DACH1: variants seen among roughly 807,000 people sequenced by gnomAD.
The protein encoded by DACH1 is dachshund homolog 1.
DACH1 carries 12 observed loss-of-function variants against 54.2 expected under a neutral mutation model. The observed-to-expected ratio is 0.22, with a 90% CI of 0.14 to 0.36. DACH1 has a LOEUF of 0.36. Among genes scored for constraint, DACH1 ranks in the 10% least tolerant of loss-of-function variants. The pLI, the probability that DACH1 is intolerant of heterozygous loss-of-function variation, is 1.00. For missense variants in DACH1, 805 were observed against 929.8 expected (o/e 0.87, Z 1.75); for synonymous variants, 386 against 366.2 (o/e 1.05, Z -0.62).
chr13:71,747,444 G>T (rs1884645588), intron 1 of DACH1, among the ~76,000 whole-genome samples: 1 of 152,078 alleles, frequency 6.6e-6, no homozygotes, highest in African/African-American at 2.4e-5. Context: ...AGCTGGGTGA[G>T]GTGGTGCATT....
chr13:71,839,715 C>A (rs1296181180), intron 1 of DACH1, among the ~76,000 whole-genome samples: 1 of 152,126 alleles, frequency 6.6e-6, no homozygotes. Context: ...TTTCTAACAT[C>A]CCCTGGATAA....
At chr13:71,578,630 T>G (rs1218023276) in intron 3 of DACH1, among the ~76,000 whole-genome samples, 1 of 152,154 alleles carries the variant, frequency 6.6e-6, no homozygotes, top group African/African-American at 2.4e-5. Flanking sequence ...ATAAAAACAC[T>G]GAAATCTCCT....
In DACH1 at chr13:71,446,066, A is replaced by G. The variant is rs138026197; in HGVS notation, c.2084-5374T>C. ...GAAGACTTTGCAAAAATGAGCGGCA[A>G]AAGAGAGATTATTGGAATCCCTGGA... On this transcript the variant is annotated intron_variant, in intron 10 of 10. Coordinates refer to ENST00000613252, the MANE Select transcript of DACH1 (RefSeq NM_080759.6). Among the ~76,000 whole-genome samples, 248 of 152,332 alleles carry G rather than the reference A, an allele frequency of 1.6e-3. 2 individuals carry two copies. The highest frequency in any genetic ancestry group is 5.6e-3 in the African/African-American group (234 of 41,586).
Position 71,748,843 on chromosome 13 carries a change from TC to T in DACH1, c.849-66934del, listed in dbSNP as rs1884724799. Among the ~76,000 whole-genome samples, 3 of 137,906 alleles carry T rather than the reference TC, an allele frequency of 2.2e-5. No homozygotes were observed. In the South Asian group the frequency reaches 7.8e-4, roughly 36 times the overall value. The allele number at this position is 137,906 out of a possible 152,430, so 90.5% of individuals were successfully genotyped here. On this transcript the variant is annotated intron_variant, in intron 1 of 10. Transcript: ENST00000613252. ...TACCTGAAATATAAAAAATATTTTT[TC>T]TCTTTCTTTCTTTCTTTCTTTCTTT...
chr13:71,783,016 G>A (rs1328792157), intron 1 of DACH1, among the ~76,000 whole-genome samples: 1 of 152,082 alleles, frequency 6.6e-6, no homozygotes. Flanking sequence ...AAGAGGGAAG[G>A]ATCAATAATA....
At chr13:71,446,989 G>T (rs1044611212) in intron 10 of DACH1, among the ~76,000 whole-genome samples, 1 of 152,184 alleles carries the variant, frequency 6.6e-6, no homozygotes, top group African/African-American at 2.4e-5. Context: ...TGGGAGTAGG[G>T]ATTGAGCGAA....
intron 1 of DACH1, among the ~76,000 whole-genome samples, chr13:71,737,995 A>G (rs1884213403): frequency 6.6e-6 from 1 of 152,224 alleles, no homozygotes; most frequent in South Asian, 2.1e-4. Flanking sequence ...TGGAATTTAT[A>G]TGTGAAGTTC....
chr13:71,482,828 T>A (rs1315032041), intron 7 of DACH1, among the ~76,000 whole-genome samples: 1 of 143,274 alleles, frequency 7.0e-6, no homozygotes, highest in Admixed American at 7.3e-5. Flanking sequence ...AGATGGAGTT[T>A]CGATCTTGTT....
At chr13:71,476,466 G>A (rs909644016) in intron 8 of DACH1, among the ~76,000 whole-genome samples, 3 of 151,940 alleles carry the variant, frequency 2.0e-5, no homozygotes, top group Admixed American at 2.0e-4. Context: ...ATGAAGTTAC[G>A]ATGATTTCCT....
intron 4 of DACH1, among the ~76,000 whole-genome samples, chr13:71,569,672 T>C (rs2138407310): frequency 6.6e-6 from 1 of 152,280 alleles, no homozygotes; most frequent in Middle Eastern, 3.4e-3. Context: ...AAAGAATATT[T>C]TTAAAATATA....
chr13:71,805,656 T>A (rs1035167797), intron 1 of DACH1, among the ~76,000 whole-genome samples: 1 of 152,224 alleles, frequency 6.6e-6, no homozygotes, highest in Non-Finnish European at 1.5e-5. Context: ...CTGAATCCCC[T>A]GGTTTACCGT....
intron 2 of DACH1, among the ~76,000 whole-genome samples, chr13:71,673,998 A>G (rs1010229729): frequency 6.6e-6 from 1 of 152,208 alleles, no homozygotes; most frequent in Non-Finnish European, 1.5e-5. Flanking sequence ...TAGAAGCTAC[A>G]TTAACACACC....
chr13:71,789,578 G>A (rs1886750903), intron 1 of DACH1, among the ~76,000 whole-genome samples: 1 of 152,000 alleles, frequency 6.6e-6, no homozygotes, highest in South Asian at 2.1e-4. Flanking sequence ...TTCTATATCT[G>A]TAAGAGTACA....
At chr13:71,551,687 CA>C (rs1458351430) in intron 6 of DACH1, among the ~76,000 whole-genome samples, 2 of 151,980 alleles carry the variant, frequency 1.3e-5, no homozygotes, top group African/African-American at 4.8e-5. Context: ...AAATATATTT[CA>C]AAAATTATTT....
At chr13:71,799,740 A>G (rs2138120076) in intron 1 of DACH1, among the ~76,000 whole-genome samples, 1 of 152,266 alleles carries the variant, frequency 6.6e-6, no homozygotes, top group East Asian at 1.9e-4. Context: ...ATGAATCTAC[A>G]AATGCATGCT....
In DACH1 at chr13:71,757,250, A is replaced by G. The variant is rs781093210; in HGVS notation, c.849-75340T>C. ...TTCAAGACTTGGGATCAAAAGAAAA[A>G]TTAAGAAAAACTGTTTTAATACCCT... On this transcript the variant is annotated intron_variant, in intron 1 of 10. Transcript: ENST00000613252. Among the ~76,000 whole-genome samples the G allele has an allele frequency of 6.4e-4, 98 of 152,332 alleles. No individual in the cohort carries two copies. The Middle Eastern group carries it at 0.014, about 21-fold the overall frequency.
intron 6 of DACH1, among the ~76,000 whole-genome samples, chr13:71,491,037 C>T (rs1282776235): frequency 6.6e-6 from 1 of 152,142 alleles, no homozygotes; most frequent in East Asian, 1.9e-4. Flanking sequence ...CATTTACACA[C>T]ATTTAGGCTA....
intron 1 of DACH1, among the ~76,000 whole-genome samples, chr13:71,810,601 A>C (rs1370236949): frequency 2.0e-5 from 3 of 152,222 alleles, no homozygotes; most frequent in African/African-American, 7.2e-5. Context: ...AAATACTATG[A>C]ATACTATGAA....
intron 3 of DACH1, among the ~76,000 whole-genome samples, chr13:71,616,649 T>A (rs549083905): frequency 2.1e-4 from 32 of 152,042 alleles, no homozygotes; most frequent in Non-Finnish European, 4.4e-4. Context: ...GGCAGGAGGA[T>A]CATGTGAGCC....
Sources: gnomAD v4.1 joint callset for allele counts (sites outside exome capture counted in the v4.1 genomes callset) on GRCh38, gnomAD v4.1.1 for gene constraint, MANE v1.5 for transcripts, NCBI Gene and HGNC (gene_info 2026-07-23, HGNC 2026-07-21) for gene names.